ARHGEF10L: variants seen among roughly 807,000 people sequenced by gnomAD.
ARHGEF10L encodes the protein rho guanine nucleotide exchange factor 10-like protein.
Under a neutral mutation model 141.2 loss-of-function variants are expected in ARHGEF10L, and 69 were observed. The ratio of observed to expected loss-of-function variants is 0.49; its 90% confidence interval spans 0.40 to 0.60. The LOEUF (loss-of-function observed/expected upper bound fraction) is 0.60. Among genes scored for constraint, ARHGEF10L ranks in the 20% least tolerant of loss-of-function variants. The pLI, the probability that ARHGEF10L is intolerant of heterozygous loss-of-function variation, is 0.00. For synonymous variants in ARHGEF10L, 711 were observed against 718.5 expected, an observed-to-expected ratio of 0.99 and a Z score of 0.17; for missense variants, 1,482 against 1,734.3, an observed-to-expected ratio of 0.85 and a Z score of 2.58.
At position 17,627,500 on chromosome 1, in the gene ARHGEF10L, C is replaced by A. The variant is rs747630646; in HGVS notation, c.1581C>A (p.Asn527Lys). ...GCGTCAGTGACCGCAGCAGCCTCAA[C>A]AAGGTGAGCTGGGCCTCCCACCTGC... ...TKSVSDRSSL[N>K]KLLTSGQRQL... Residue 527 changes from asparagine to lysine, a missense_variant, in exon 15 of 29, where the codon AAC (asparagine) becomes AAA (lysine). Coordinates refer to ENST00000361221, the MANE Select transcript of ARHGEF10L (RefSeq NM_018125.4). The surrounding 1 kb of genome is among the most constrained non-coding windows in gnomAD (Gnocchi z 4.0). 6.2e-7 allele frequency: 1 copy of A among 1,611,744 alleles called. No individual in the cohort carries two copies. Among genetic ancestry groups the A allele is most frequent in the South Asian group, 1.1e-5 (1 of 90,940 alleles).
chr1:17,600,176 C>T (rs2080501480), intron 4 of ARHGEF10L, among the ~76,000 whole-genome samples: 1 of 152,222 alleles, frequency 6.6e-6, no homozygotes, highest in Non-Finnish European at 1.5e-5. Flanking sequence ...CTGTGTGGTG[C>T]TGGGAAGGTG....
intron 26 of ARHGEF10L, among the ~76,000 whole-genome samples, chr1:17,677,447 C>T (rs778002096): frequency 7.2e-5 from 11 of 152,246 alleles, no homozygotes; most frequent in Non-Finnish European, 1.6e-4. Flanking sequence ...ATCGGTGTCT[C>T]CTTCGATCGG....
In ARHGEF10L at chr1:17,624,394, A is replaced by T; in HGVS notation, c.1208A>T (p.Lys403Met). 6.8e-6 allele frequency: 11 copies of T among 1,613,832 alleles called. No individual in the cohort carries two copies. The highest frequency in any genetic ancestry group is 9.3e-6 in the Non-Finnish European group (11 of 1,179,784). ...ACACCTGCCTTGTTTCAGTTTTCCA[A>T]GTCCATGGTGCTAGATGTGTACAGT... Reference protein sequence around the residue: ...IGDLFVASFSKSMVLDVYSDY... With the variant: ...IGDLFVASFSMSMVLDVYSDY... Residue 403 changes from lysine to methionine, a missense_variant, in exon 13 of 29, where the codon AAG (lysine) becomes ATG (methionine). Lys to Met is a moderately conservative substitution (Grantham distance 95). Around this residue, in one of 3 missense-constraint regions of ARHGEF10L, gnomAD observed 392 missense variants for 542.1 expected, o/e 0.72. Transcript: ENST00000361221.
intron 21 of ARHGEF10L, 138 bp downstream of exon 21, chr1:17,640,440 G>A: frequency 1.4e-6 from 1 of 691,646 alleles, no homozygotes; most frequent in Non-Finnish European, 2.3e-6. Flanking sequence ...AGGTGGTGCG[G>A]TGGAGAAACA....
chr1:17,634,530 T>C lies in ARHGEF10L; in HGVS notation c.1731-18T>C, dbSNP rs956339219. 19 of 1,613,890 alleles carry C rather than the reference T, an allele frequency of 1.2e-5. No homozygotes were observed. Among genetic ancestry groups the C allele is most frequent in the Non-Finnish European group, 1.4e-5 (17 of 1,179,984 alleles). ...ATTGTAATAACAATCTCCCTTTCCT[T>C]CTTGTCTTTTTTCCCAGGCCTGCCA... On this transcript the variant is annotated intron_variant, in intron 16 of 28. Transcript: ENST00000361221.
intron 1 of ARHGEF10L, among the ~76,000 whole-genome samples, chr1:17,559,367 G>A (rs973751222): frequency 2.6e-5 from 4 of 152,162 alleles, no homozygotes; most frequent in African/African-American, 9.7e-5. Context: ...GAAGGGGCTG[G>A]GTATTTATTA....
At chr1:17,586,595 A>G (rs2079043560) in intron 2 of ARHGEF10L, among the ~76,000 whole-genome samples, 1 of 152,160 alleles carries the variant, frequency 6.6e-6, no homozygotes, top group African/African-American at 2.4e-5. Context: ...TCTAGGATAG[A>G]GAATTCATCC....
rs552407136 is a variant in ARHGEF10L at position 17,691,101 on chromosome 1, CCCT to C, written c.3184+3361_3184+3363del. On this transcript the variant is annotated intron_variant, in intron 27 of 28. Transcript: ENST00000361221. The stretch of plus-strand genomic sequence containing the variant: ...ATTAATGCATTTTTTAACCTAAACT[CCCT>C]CCTCCTTTTAACCAGACAGGTCATT... 49 of 455,142 alleles carry C rather than the reference CCCT, an allele frequency of 1.1e-4. No homozygotes were observed. In the East Asian group the frequency reaches 3.3e-3, roughly 31 times the overall value. The allele number at this position is 455,142 out of a possible 1,614,324, so 28.2% of individuals were successfully genotyped here.
At chr1:17,691,883 G>C (rs2065135016) in intron 27 of ARHGEF10L, among the ~76,000 whole-genome samples, 1 of 152,166 alleles carries the variant, frequency 6.6e-6, no homozygotes, top group Non-Finnish European at 1.5e-5. Context: ...GATACTTCTT[G>C]AGAGTCTACC....
At chr1:17,524,025 G>A in the ARHGEF10L span, among the ~76,000 whole-genome samples, 1,178 of 152,288 alleles carry the variant, frequency 7.7e-3, 14 homozygotes, top group African/African-American at 0.026. Context: ...TATAATCCCA[G>A]CACTTTGGGA....
chr1:17,648,149 G>A (rs983787702), intron 21 of ARHGEF10L, among the ~76,000 whole-genome samples: 3 of 152,132 alleles, frequency 2.0e-5, no homozygotes, highest in Non-Finnish European at 2.9e-5. Context: ...AGGCAACAGG[G>A]GTCTGGACTC....
At chr1:17,614,057 T>A (rs143448636) in intron 8 of ARHGEF10L, among the ~76,000 whole-genome samples, 84 of 152,362 alleles carry the variant, frequency 5.5e-4, no homozygotes, top group African/African-American at 1.9e-3. Context: ...TAGCTGCCTT[T>A]CTGCATCTTT....
chr1:17,662,306 C>G (rs2062680317), intron 25 of ARHGEF10L, among the ~76,000 whole-genome samples: 1 of 152,166 alleles, frequency 6.6e-6, no homozygotes, highest in Non-Finnish European at 1.5e-5. Context: ...ACTGTGTGCC[C>G]AGATAAATAT....
chr1:17,585,950 C>A (rs1259857747), intron 2 of ARHGEF10L, among the ~76,000 whole-genome samples: 3 of 152,146 alleles, frequency 2.0e-5, no homozygotes, highest in African/African-American at 7.2e-5. Flanking sequence ...GGCACTGTGC[C>A]GAGGGCTACT....
rs1043970789 is a variant in ARHGEF10L, at chr1:17,621,518, C to T, written c.943-346C>T. ...AAAGTGCTGGGATTACAAGCATGAG[C>T]CACCTTGCCTGGCCTAGGATTTTCT... On this transcript the variant is annotated intron_variant, in intron 10 of 28. Transcript: ENST00000361221. This position sits in a 1 kb window ranked among gnomAD's most constrained non-coding sequence, Gnocchi z 4.1. 6.6e-6 allele frequency among the ~76,000 whole-genome samples: 1 copy of T among 152,216 alleles called. No individual in the cohort carries two copies. Among genetic ancestry groups the T allele is most frequent in the African/African-American group, 2.4e-5 (1 of 41,458 alleles).
chr1:17,646,244 CCT>C (rs2061591975), intron 21 of ARHGEF10L, among the ~76,000 whole-genome samples: 1 of 152,222 alleles, frequency 6.6e-6, no homozygotes, highest in South Asian at 2.1e-4. Context: ...TCAGGTGCCA[CCT>C]CTCTCGGGCA....
At chr1:17,597,302 C>T (rs1025145952) in intron 4 of ARHGEF10L, among the ~76,000 whole-genome samples, 2 of 152,062 alleles carry the variant, frequency 1.3e-5, no homozygotes, top group Admixed American at 6.5e-5. Flanking sequence ...GACCCGGAGG[C>T]CCCTGAAGGA....
Position 17,644,265 on chromosome 1 carries a change from C to G in ARHGEF10L, c.2272+3963C>G, listed in dbSNP as rs1375410145. 6.6e-6 allele frequency among the ~76,000 whole-genome samples: 1 copy of G among 152,202 alleles called. No individual in the cohort carries two copies. The highest frequency in any genetic ancestry group is 2.4e-5 in the African/African-American group (1 of 41,456). ...TAGTCGTCACACTGACGCCAATATT[C>G]CTTCCGGGATGACTCCAGCTGTTGG... is the stretch of plus-strand genomic sequence containing the variant. On this transcript the variant is annotated intron_variant, in intron 21 of 28. Transcript: ENST00000361221. This position sits in a 1 kb window ranked among gnomAD's most constrained non-coding sequence, Gnocchi z 4.5.
At chr1:17,687,943 C>G (rs766619001) in intron 27 of ARHGEF10L, among the ~76,000 whole-genome samples, 196 bp downstream of exon 27, 2 of 152,198 alleles carry the variant, frequency 1.3e-5, no homozygotes, top group Non-Finnish European at 2.9e-5. Context: ...CCCTGCCTGT[C>G]ACTGTGCCCA....
Sources: gnomAD v4.1 joint callset for allele counts (sites outside exome capture counted in the v4.1 genomes callset) on GRCh38, gnomAD v4.1.1 for gene constraint, gnomAD v4.1.1 regional missense constraint, Gnocchi (gnomAD v3.1) non-coding constraint, MANE v1.5 for transcripts, NCBI Gene and HGNC (gene_info 2026-07-23, HGNC 2026-07-21) for gene names.